The following PCDH15 variants were observed in gnomAD, a reference collection of about 807,000 sequenced individuals.
PCDH15 encodes protocadherin related 15, also known as protocadherin-15.
In PCDH15, 129 loss-of-function variants were observed where a neutral mutation model predicts 178.5. That is an observed-to-expected ratio of 0.72 (90% CI 0.63 to 0.84). The LOEUF (loss-of-function observed/expected upper bound fraction) is 0.84. PCDH15 is among the 40% of genes least tolerant of loss of function. PCDH15 has a pLI of 0.00. For missense variants in PCDH15, 2,230 were observed against 2,099.9 expected (o/e 1.06, Z -1.21); for synonymous variants, 800 against 732.0 (o/e 1.09, Z -1.50).
At chr10:54,141,080 G>A (rs971954508) in intron 14 of PCDH15, among the ~76,000 whole-genome samples, 1 of 150,334 alleles carries the variant, frequency 6.7e-6, no homozygotes, top group African/African-American at 2.4e-5. Flanking sequence ...ATACACATAG[G>A]TATACATATA....
chr10:54,842,695 G>A (rs1019788178), intron 3 of PCDH15, among the ~76,000 whole-genome samples: 1 of 151,720 alleles, frequency 6.6e-6, no homozygotes, highest in Non-Finnish European at 1.5e-5. Context: ...CTACAACAGC[G>A]ATTATCTTAT....
At chr10:54,292,368 C>A (rs549011802) in intron 8 of PCDH15, among the ~76,000 whole-genome samples, 2 of 152,070 alleles carry the variant, frequency 1.3e-5, no homozygotes, top group Admixed American at 6.5e-5. Flanking sequence ...CAATATCATA[C>A]TGGATGGGCA....
chr10:54,458,964 A>G (rs907054647), intron 3 of PCDH15, among the ~76,000 whole-genome samples: 1 of 152,162 alleles, frequency 6.6e-6, no homozygotes, highest in Admixed American at 6.6e-5. Flanking sequence ...GAGAAAAAAC[A>G]AATTCCTGGT....
At chr10:54,411,983 T>C (rs1253213835) in intron 3 of PCDH15, among the ~76,000 whole-genome samples, 1 of 152,164 alleles carries the variant, frequency 6.6e-6, no homozygotes, top group Non-Finnish European at 1.5e-5. Flanking sequence ...TGGGGCTATG[T>C]CCGTAGTTTA....
intron 2 of PCDH15, among the ~76,000 whole-genome samples, chr10:55,528,302 G>A (rs187547751): frequency 1.1e-3 from 170 of 151,980 alleles, no homozygotes; most frequent in Middle Eastern, 6.9e-3. Flanking sequence ...ATGTATACAT[G>A]TGCCATGTTG....
intron 1 of PCDH15, 119 bp from the exon 2 acceptor site, chr10:54,664,409 A>G: frequency 1.5e-6 from 1 of 683,944 alleles, no homozygotes; most frequent in South Asian, 1.6e-5. Flanking sequence ...CCTGTGCCAC[A>G]TTATCCATTA....
At chr10:54,595,325 C>T (rs1239797989) in intron 2 of PCDH15, among the ~76,000 whole-genome samples, 1 of 152,164 alleles carries the variant, frequency 6.6e-6, no homozygotes, top group Admixed American at 6.6e-5. Context: ...GCACACAATG[C>T]AGAGTGCTGA....
chr10:55,371,521 G>A (rs1014435755), intron 2 of PCDH15, among the ~76,000 whole-genome samples: 3 of 152,024 alleles, frequency 2.0e-5, no homozygotes, highest in Non-Finnish European at 2.9e-5. Flanking sequence ...CATGGGGGCC[G>A]AATTTCTCAC....
chr10:54,336,880 A>G (rs1565003120), intron 6 of PCDH15, among the ~76,000 whole-genome samples: 1 of 152,148 alleles, frequency 6.6e-6, no homozygotes. Flanking sequence ...GCAGACACTC[A>G]AGGCCAAACT....
chr10:55,270,511 C>T (rs755732804), intron 1 of PCDH15, among the ~76,000 whole-genome samples: 8 of 151,564 alleles, frequency 5.3e-5, no homozygotes, highest in Non-Finnish European at 1.0e-4. Context: ...CAAAAGAAGA[C>T]TTACAAGCAG....
chr10:54,661,656 G>A (rs551770627), intron 2 of PCDH15, among the ~76,000 whole-genome samples: 38 of 151,852 alleles, frequency 2.5e-4, no homozygotes, highest in African/African-American at 7.7e-4. Context: ...TATACTATAA[G>A]GCTATAATAA....
At chr10:55,253,263 T>C (rs1841894991) in intron 1 of PCDH15, among the ~76,000 whole-genome samples, 1 of 151,794 alleles carries the variant, frequency 6.6e-6, no homozygotes, top group Non-Finnish European at 1.5e-5. Flanking sequence ...TGTGTGTGTG[T>C]GTGTGTGCAT....
intron 2 of PCDH15, among the ~76,000 whole-genome samples, chr10:55,090,669 C>T (rs1253205691): frequency 6.6e-6 from 1 of 152,028 alleles, no homozygotes; most frequent in Non-Finnish European, 1.5e-5. Flanking sequence ...ACATGACACA[C>T]TTCAGCACAT....
chr10:54,806,347 A>C (rs1430082262), intron 3 of PCDH15, among the ~76,000 whole-genome samples: 1 of 152,194 alleles, frequency 6.6e-6, no homozygotes, highest in Non-Finnish European at 1.5e-5. Context: ...TCAGAGGTCC[A>C]GATCAGGGTC....
intron 2 of PCDH15, among the ~76,000 whole-genome samples, chr10:54,971,786 G>C (rs1838940201): frequency 6.6e-6 from 1 of 152,156 alleles, no homozygotes; most frequent in African/African-American, 2.4e-5. Context: ...GGCAGCCATG[G>C]CTAAGAACTA....
chr10:54,577,597 T>C (rs10128107), intron 2 of PCDH15, among the ~76,000 whole-genome samples: 144,620 of 152,090 alleles, frequency 0.95, 68,890 homozygotes, highest in Middle Eastern at 0.98. Flanking sequence ...TCCACGAAAA[T>C]CCAGAATAAT....
intron 11 of PCDH15, among the ~76,000 whole-genome samples, chr10:54,192,042 AAGGAAGGC>A (rs796236632): frequency 1.2e-4 from 18 of 150,514 alleles, no homozygotes; most frequent in African/African-American, 4.2e-4. Context: ...GGAGAGAAGG[AAGGAAGGC>A]AGGAAGGCAG....
chr10:55,095,347 A>G (rs1428150012), intron 2 of PCDH15, among the ~76,000 whole-genome samples: 2 of 151,960 alleles, frequency 1.3e-5, no homozygotes, highest in Non-Finnish European at 2.9e-5. Flanking sequence ...TTAAAGTGTT[A>G]AATATATTAA....
chr10:54,825,238 G>T (rs1197913354), intron 3 of PCDH15, among the ~76,000 whole-genome samples: 1 of 151,844 alleles, frequency 6.6e-6, no homozygotes, highest in African/African-American at 2.4e-5. Flanking sequence ...ATTCCATGGT[G>T]TATATGTGCC....
Sources: allele counts gnomAD v4.1 joint callset (sites outside exome capture counted in the v4.1 genomes callset), GRCh38; gene constraint gnomAD v4.1.1; transcripts MANE v1.5; gene names NCBI Gene and HGNC (gene_info 2026-07-23, HGNC 2026-07-21).